FARS2: variants seen among roughly 807,000 people sequenced by gnomAD.
FARS2 encodes phenylalanyl-tRNA synthetase 2, mitochondrial.
A neutral mutation model predicts 46.4 loss-of-function variants in FARS2; 40 were observed. The ratio of observed to expected loss-of-function variants is 0.86; its 90% confidence interval spans 0.67 to 1.12. The LOEUF is 1.12. FARS2 is among the 50% of genes most tolerant of loss of function. The pLI, the probability that FARS2 is intolerant of heterozygous loss-of-function variation, is 0.00. For missense variants in FARS2, 513 were observed against 567.9 expected (o/e 0.90, Z 0.98); for synonymous variants, 234 against 214.9 (o/e 1.09, Z -0.78).
intron 6 of FARS2, among the ~76,000 whole-genome samples, chr6:5,619,520 A>G (rs1275445315): frequency 6.6e-6 from 1 of 152,216 alleles, no homozygotes; most frequent in Non-Finnish European, 1.5e-5. Context: ...CTCCTCCCTC[A>G]ACCCCAGGTC....
intron 6 of FARS2, among the ~76,000 whole-genome samples, chr6:5,751,997 A>T (rs1312221299): frequency 6.6e-6 from 1 of 152,128 alleles, no homozygotes; most frequent in African/African-American, 2.4e-5. Context: ...GGGATGCGTC[A>T]TGTGCCCGGA....
At chr6:5,538,834 G>A (rs1026178649) in intron 4 of FARS2, among the ~76,000 whole-genome samples, 2 of 152,152 alleles carry the variant, frequency 1.3e-5, no homozygotes, top group African/African-American at 4.8e-5. Flanking sequence ...ATCCTTTCTT[G>A]CAACCCTCCA....
At chr6:5,661,276 G>T (rs1312141986) in intron 6 of FARS2, among the ~76,000 whole-genome samples, 7 of 152,228 alleles carry the variant, frequency 4.6e-5, no homozygotes, top group Non-Finnish European at 1.0e-4. Flanking sequence ...TTGCCTTGAG[G>T]TTTACTGGAG....
chr6:5,360,358 T>A (rs189903011), intron 1 of FARS2, among the ~76,000 whole-genome samples: 3 of 152,228 alleles, frequency 2.0e-5, no homozygotes, highest in Admixed American at 2.0e-4. Context: ...GACCATCTTA[T>A]AGAAACAATC....
intron 6 of FARS2, among the ~76,000 whole-genome samples, chr6:5,683,547 C>T (rs990650588): frequency 2.6e-5 from 4 of 151,926 alleles, no homozygotes; most frequent in Non-Finnish European, 4.4e-5. Context: ...AGCTGGGAAA[C>T]GTGAGTCTGG....
Position 5,715,417 on chromosome 6 carries a change from C to T in FARS2, c.1218-55874C>T, listed in dbSNP as rs201420800. ...TGATTTTAAAACGTTTTCATGACCC[C>T]GAAAGAAACCCAAGACCCCTCAGCA... On this transcript the variant is annotated intron_variant, in intron 6 of 6. Transcript: ENST00000274680. Among the ~76,000 whole-genome samples, 32 of 152,290 alleles carry T rather than the reference C, an allele frequency of 2.1e-4. No homozygotes were observed. In the East Asian group the frequency reaches 3.9e-3, roughly 18 times the overall value.
At position 5,301,776 on chromosome 6, in the gene FARS2, G is replaced by A. The variant is rs553010604; in HGVS notation, c.-22+40116G>A. Among the ~76,000 whole-genome samples, 22 of 150,496 alleles carry A rather than the reference G, an allele frequency of 1.5e-4. No individual in the cohort carries two copies. The South Asian group carries it at 4.7e-3, about 32-fold the overall frequency. ...AATGAGTCCAGCCTGCTGGGTGACAGAGTAAGATGCTATCTCACACACACA... is the reference window on the plus strand; with the variant it reads ...AATGAGTCCAGCCTGCTGGGTGACAAAGTAAGATGCTATCTCACACACACA... On this transcript the variant is annotated intron_variant, in intron 1 of 6. Coordinates refer to ENST00000274680, the MANE Select transcript of FARS2 (RefSeq NM_006567.5).
At chr6:5,695,030 A>G (rs1224384627) in intron 6 of FARS2, 1 of 152,156 alleles carries the variant, frequency 6.6e-6, no homozygotes, top group Admixed American at 6.5e-5. Context: ...AAACAGATAT[A>G]TATAAATGCC....
intron 6 of FARS2, among the ~76,000 whole-genome samples, chr6:5,690,159 A>G: frequency 6.6e-6 from 1 of 152,124 alleles, no homozygotes; most frequent in Non-Finnish European, 1.5e-5. Flanking sequence ...CCAATTTGCC[A>G]GTCTGTGTCT....
In FARS2 at chr6:5,422,984, C is replaced by T. The variant is rs530346823; in HGVS notation, c.773-8057C>T. The stretch of plus-strand genomic sequence containing the variant: ...TATTTTTGACAAAATTGAAGCAGTG[C>T]GAGGTTAAGTAACTGGCCTGAGGTC... On this transcript the variant is annotated intron_variant, in intron 3 of 6. Coordinates refer to ENST00000274680, the MANE Select transcript of FARS2 (RefSeq NM_006567.5). 9.2e-5 allele frequency among the ~76,000 whole-genome samples: 14 copies of T among 152,200 alleles called. No individual in the cohort carries two copies. The South Asian group carries it at 2.1e-3, about 23-fold the overall frequency.
At chr6:5,327,882 G>A (rs1770510523) in intron 1 of FARS2, among the ~76,000 whole-genome samples, 2 of 152,200 alleles carry the variant, frequency 1.3e-5, no homozygotes, top group South Asian at 2.1e-4. Flanking sequence ...CACTGACCCT[G>A]TGTTGACTTC....
At chr6:5,580,120 T>C (rs1419181886) in intron 5 of FARS2, among the ~76,000 whole-genome samples, 5 of 151,484 alleles carry the variant, frequency 3.3e-5, no homozygotes, top group Non-Finnish European at 4.4e-5. Context: ...TGAAACTCCA[T>C]CTCCACTAAA....
At chr6:5,367,804 A>G (rs1758777567) in intron 1 of FARS2, among the ~76,000 whole-genome samples, 1 of 152,182 alleles carries the variant, frequency 6.6e-6, no homozygotes, top group South Asian at 2.1e-4. Context: ...ATTAAGTTTA[A>G]GTGACATGAC....
At chr6:5,751,498 G>C (rs1761945292) in intron 6 of FARS2, among the ~76,000 whole-genome samples, 1 of 152,228 alleles carries the variant, frequency 6.6e-6, no homozygotes. Context: ...TCCTTTAAAA[G>C]AGTCCTTAAA....
At chr6:5,449,691 T>TTG (rs1207292390) in intron 4 of FARS2, among the ~76,000 whole-genome samples, 23 of 152,110 alleles carry the variant, frequency 1.5e-4, no homozygotes, top group Admixed American at 1.5e-3. Context: ...GTTTTGGATT[T>TTG]TGTGTGTGTG....
At chr6:5,544,563 C>G (rs1770843378) in intron 4 of FARS2, among the ~76,000 whole-genome samples, 1 of 152,206 alleles carries the variant, frequency 6.6e-6, no homozygotes, top group Non-Finnish European at 1.5e-5. Context: ...CTGACACAAT[C>G]TGAGCAGGAC....
At chr6:5,330,804 A>G (rs1754750018) in intron 1 of FARS2, among the ~76,000 whole-genome samples, 1 of 152,152 alleles carries the variant, frequency 6.6e-6, no homozygotes, top group Non-Finnish European at 1.5e-5. Context: ...ACTGTAGTAG[A>G]CATTAATTCA....
At chr6:5,431,597 A>G in intron 4 of FARS2, 2 of 520,372 alleles carry the variant, frequency 3.8e-6, no homozygotes, top group Non-Finnish European at 7.9e-6. Flanking sequence ...CAAGTATTTT[A>G]TAAATACACT....
At chr6:5,529,498 G>A (rs1035300796) in intron 4 of FARS2, among the ~76,000 whole-genome samples, 2 of 152,060 alleles carry the variant, frequency 1.3e-5, no homozygotes, top group Non-Finnish European at 2.9e-5. Flanking sequence ...AGTAGAGACG[G>A]GGTTTTACCA....
Sources: gnomAD v4.1 joint callset for allele counts (sites outside exome capture counted in the v4.1 genomes callset) on GRCh38, gnomAD v4.1.1 for gene constraint, MANE v1.5 for transcripts, NCBI Gene and HGNC (gene_info 2026-07-23, HGNC 2026-07-21) for gene names.